ZNF565: variants seen among roughly 807,000 people sequenced by gnomAD.
The protein encoded by ZNF565 is zinc finger protein 565.
In ZNF565, 27 loss-of-function variants were observed where a neutral mutation model predicts 39.4. The ratio of observed to expected loss-of-function variants is 0.69; its 90% CI spans 0.51 to 0.95. The LOEUF is 0.95. Among genes scored for constraint, ZNF565 ranks in the 40% least tolerant of loss-of-function variants. The pLI is 0.00. For missense variants in ZNF565, 524 were observed against 621.1 expected (o/e 0.84, Z 1.66); for synonymous variants, 185 against 216.6 (o/e 0.85, Z 1.28).
At chr19:36,211,606 A>G (rs1025678813) in intron 1 of ZNF565, among the ~76,000 whole-genome samples, 1 of 151,802 alleles carries the variant, frequency 6.6e-6, no homozygotes, top group African/African-American at 2.4e-5. Flanking sequence ...ATCCTGGCTA[A>G]CACGGTGAAA....
At position 36,221,153 on chromosome 19, in the gene ZNF565, T is replaced by C. The variant is rs1047009807; in HGVS notation, c.56-19103A>G. Among the ~76,000 whole-genome samples, 7 of 152,256 alleles carry C rather than the reference T, an allele frequency of 4.6e-5. No individual in the cohort carries two copies. The East Asian group carries it at 1.4e-3, about 29-fold the overall frequency. On this transcript the variant is annotated intron_variant, in intron 1 of 4. Coordinates refer to the ZNF565 transcript ENST00000355114. Reference sequence around the variant, plus strand: ...GAGCCACTGAGCCCAGCTTTTAAAATGCATCTCACTAAAGATGTATGTAGT... The same window carrying C: ...GAGCCACTGAGCCCAGCTTTTAAAACGCATCTCACTAAAGATGTATGTAGT...
chr19:36,191,939 G>A (rs1975561984), intron 4 of ZNF565, among the ~76,000 whole-genome samples: 1 of 151,970 alleles, frequency 6.6e-6, no homozygotes, highest in Non-Finnish European at 1.5e-5. Context: ...ATTACGGATG[G>A]AAACTTCACA....
chr19:36,213,549 C>A (rs932337358), intron 1 of ZNF565, among the ~76,000 whole-genome samples: 1 of 152,148 alleles, frequency 6.6e-6, no homozygotes, highest in Non-Finnish European at 1.5e-5. Flanking sequence ...CCACGCCCAG[C>A]TAATTTTTGT....
intron 1 of ZNF565, among the ~76,000 whole-genome samples, chr19:36,225,218 C>T (rs1041912502): frequency 6.6e-6 from 1 of 152,134 alleles, no homozygotes; most frequent in South Asian, 2.1e-4. Context: ...GAGGACACTG[C>T]TAATAGCCAA....
intron 1 of ZNF565, chr19:36,236,706 C>T (rs1389216416): frequency 1.9e-6 from 3 of 1,614,046 alleles, no homozygotes; most frequent in South Asian, 1.1e-5. Flanking sequence ...AACCTCCTTA[C>T]GCACCAGAAA....
At chr19:36,210,355 T>C (rs1304978881) in intron 1 of ZNF565, among the ~76,000 whole-genome samples, 5 of 127,212 alleles carry the variant, frequency 3.9e-5, no homozygotes, top group Admixed American at 9.9e-5. Flanking sequence ...ACCTGGGAGG[T>C]GGAGGTTGCA....
chr19:36,221,847 TAGCATACCACA>T (rs1370099260), intron 1 of ZNF565, among the ~76,000 whole-genome samples: 1 of 151,872 alleles, frequency 6.6e-6, no homozygotes, highest in Admixed American at 6.6e-5. Flanking sequence ...ACATAAAAGA[TAGCATACCACA>T]TGCACCTCCC....
intron 1 of ZNF565, among the ~76,000 whole-genome samples, chr19:36,210,085 G>A (rs561138058): frequency 6.6e-6 from 1 of 151,114 alleles, no homozygotes; most frequent in African/African-American, 2.4e-5. Context: ...CAAATAGTGA[G>A]GCCCTTGTCT....
At chr19:36,234,183 A>C (rs1042235170) in intron 1 of ZNF565, among the ~76,000 whole-genome samples, 3 of 152,078 alleles carry the variant, frequency 2.0e-5, no homozygotes, top group African/African-American at 7.2e-5. Flanking sequence ...CACATGTTTC[A>C]GTGAGCACAG....
At chr19:36,185,274 C>T (rs185161533) in intron 4 of ZNF565, among the ~76,000 whole-genome samples, 32 of 151,896 alleles carry the variant, frequency 2.1e-4, no homozygotes, top group Non-Finnish European at 4.1e-4. Context: ...ATTAGCCGGC[C>T]GTGGTGGCAC....
intron 4 of ZNF565, among the ~76,000 whole-genome samples, 168 bp downstream of exon 4, chr19:36,194,065 G>T (rs1975669237): frequency 6.6e-6 from 1 of 152,172 alleles, no homozygotes; most frequent in Non-Finnish European, 1.5e-5. Context: ...AGTAGGCCAA[G>T]GTTCTCTTGG....
chr19:36,212,526 G>A (rs1446045112), intron 1 of ZNF565, among the ~76,000 whole-genome samples: 1 of 151,950 alleles, frequency 6.6e-6, no homozygotes, highest in East Asian at 1.9e-4. Flanking sequence ...GGAGGCTGAC[G>A]CAGGAGAATC....
At chr19:36,218,812 T>G (rs1976719248), upstream of ZNF565, among the ~76,000 whole-genome samples, 1 of 146,562 alleles carries the variant, frequency 6.8e-6, no homozygotes, top group African/African-American at 2.5e-5. Context: ...ATTTTCTTTT[T>G]TTTTGGTGGA....
intron 1 of ZNF565, among the ~76,000 whole-genome samples, chr19:36,242,923 G>A (rs1330862853): frequency 1.3e-5 from 2 of 152,040 alleles, no homozygotes; most frequent in Admixed American, 1.3e-4. Flanking sequence ...CCAGTTCTTT[G>A]TATTTCAAAT....
chr19:36,185,714 CTAT>C (rs1975269842), intron 4 of ZNF565, among the ~76,000 whole-genome samples: 1 of 127,226 alleles, frequency 7.9e-6, no homozygotes, highest in Non-Finnish European at 1.6e-5. Context: ...AACTCACTCT[CTAT>C]TTTTTTTTTT....
chr19:36,236,788 C>G, intron 1 of ZNF565: 1 of 1,614,108 alleles, frequency 6.2e-7, no homozygotes, highest in Non-Finnish European at 8.5e-7. Flanking sequence ...CAAACCTCAT[C>G]AGACACCAGA....
intron 1 of ZNF565, among the ~76,000 whole-genome samples, chr19:36,242,287 G>A (rs1977813898): frequency 6.6e-6 from 1 of 151,948 alleles, no homozygotes; most frequent in South Asian, 2.1e-4. Flanking sequence ...GTGCATGCCT[G>A]TAGTCTCAGC....
intron 1 of ZNF565, chr19:36,213,293 C>T (rs1976435847): frequency 6.6e-6 from 1 of 152,362 alleles, no homozygotes; most frequent in African/African-American, 2.4e-5. Flanking sequence ...TCACTGCAGC[C>T]TTGACCTCTC....
rs1185731926 is a variant in ZNF565, at chr19:36,245,099, A to G, written c.55+377T>C. 6.6e-6 allele frequency among the ~76,000 whole-genome samples: 1 copy of G among 152,176 alleles called. No homozygotes were observed. The highest frequency in any genetic ancestry group is 1.5e-5 in the Non-Finnish European group (1 of 68,026). Reference sequence around the variant, plus strand: ...GTGACGTTTTATTTCTTTTGAGTTTAGGGATCCACAGCCTGAGACCCGGCG... The same window carrying G: ...GTGACGTTTTATTTCTTTTGAGTTTGGGGATCCACAGCCTGAGACCCGGCG... On this transcript the variant is annotated intron_variant, in intron 1 of 4. Coordinates refer to the ZNF565 transcript ENST00000355114. This position sits in a 1 kb window ranked among gnomAD's most constrained non-coding sequence, Gnocchi z 4.4.
Sources: gnomAD v4.1 joint callset for allele counts (sites outside exome capture counted in the v4.1 genomes callset) on GRCh38, gnomAD v4.1.1 for gene constraint, Gnocchi (gnomAD v3.1) non-coding constraint, MANE v1.5 for transcripts, NCBI Gene and HGNC (gene_info 2026-07-23, HGNC 2026-07-21) for gene names.